Variants in LRRC4C observed in about 807,000 individuals in gnomAD.
The protein encoded by LRRC4C is leucine rich repeat containing 4C, also known as leucine-rich repeat-containing protein 4C.
Under a neutral mutation model 33.6 loss-of-function variants are expected in LRRC4C, and 5 were observed. The observed-to-expected ratio is 0.15, with a 90% confidence interval of 0.08 to 0.31. The LOEUF is 0.31. LRRC4C is among the 10% of genes least tolerant of loss of function. The probability of loss-of-function intolerance (pLI) is 1.00; values close to 1 mark genes in which losing one functional copy is unlikely to be tolerated. For missense variants in LRRC4C, 560 were observed against 796.7 expected, an observed-to-expected ratio of 0.70 and a Z score of 3.58; for synonymous variants, 329 against 302.0, an observed-to-expected ratio of 1.09 and a Z score of -0.93.
chr11:41,338,884 A>AT (rs915982168), intron 1 of LRRC4C, among the ~76,000 whole-genome samples: 1 of 152,082 alleles, frequency 6.6e-6, no homozygotes, highest in African/African-American at 2.4e-5. Flanking sequence ...GATTCCATAG[A>AT]TTCAGATTTT....
intron 3 of LRRC4C, among the ~76,000 whole-genome samples, chr11:40,382,756 C>A (rs1487736686): frequency 7.4e-6 from 1 of 135,496 alleles, no homozygotes; most frequent in Admixed American, 8.3e-5. Context: ...TTCAGTGGCT[C>A]GATCTCCGCT....
At chr11:40,493,223 A>G (rs922738446) in intron 3 of LRRC4C, among the ~76,000 whole-genome samples, 1 of 152,074 alleles carries the variant, frequency 6.6e-6, no homozygotes, top group Non-Finnish European at 1.5e-5. Context: ...GGGAAAAATT[A>G]TGTAAGGAAA....
chr11:40,972,582 C>A (rs1851800140), intron 1 of LRRC4C, among the ~76,000 whole-genome samples: 1 of 152,140 alleles, frequency 6.6e-6, no homozygotes. Flanking sequence ...AATTGACTCC[C>A]AGTTCAGCAT....
intron 3 of LRRC4C, among the ~76,000 whole-genome samples, chr11:40,580,853 T>C (rs375108258): frequency 9.2e-5 from 14 of 152,380 alleles, no homozygotes; most frequent in African/African-American, 3.4e-4. Context: ...TGCCTATCTA[T>C]ATTTTGTTCC....
At chr11:40,668,969 G>A (rs1943950107) in intron 2 of LRRC4C, among the ~76,000 whole-genome samples, 1 of 152,146 alleles carries the variant, frequency 6.6e-6, no homozygotes. Context: ...TCCTTGGTTT[G>A]ATGTTCTAAC....
intron 1 of LRRC4C, among the ~76,000 whole-genome samples, chr11:41,426,796 A>T (rs140067335): frequency 3.3e-5 from 5 of 152,160 alleles, no homozygotes; most frequent in African/African-American, 9.6e-5. Context: ...AACTAGAGTC[A>T]GCTAGACACT....
rs927559229 is a variant in LRRC4C, at chr11:41,168,285, G to A, written c.-495-234562C>T. Among the ~76,000 whole-genome samples, 4 of 152,136 alleles carry A rather than the reference G, an allele frequency of 2.6e-5. No individual in the cohort carries two copies. In the South Asian group the frequency reaches 8.3e-4, roughly 32 times the overall value. ...AACCTATCTGTTAAAAAACTGATGA[G>A]CTAGCTAAAGCACAGAGTTTAATAA... On this transcript the variant is annotated intron_variant, in intron 1 of 6. Coordinates refer to ENST00000528697, the MANE Select transcript of LRRC4C (RefSeq NM_001258419.2).
intron 5 of LRRC4C, among the ~76,000 whole-genome samples, chr11:40,199,374 C>T (rs1288647530): frequency 6.6e-6 from 1 of 152,066 alleles, no homozygotes; most frequent in East Asian, 1.9e-4. Context: ...CCCAGCCTGG[C>T]AAAGGGTTAT....
chr11:40,871,628 C>T (rs1018654036), intron 2 of LRRC4C, among the ~76,000 whole-genome samples: 1 of 152,074 alleles, frequency 6.6e-6, no homozygotes, highest in Admixed American at 6.6e-5. Flanking sequence ...CACTTCCACA[C>T]TACATCCAAA....
At chr11:41,181,375 A>T (rs369393115) in intron 1 of LRRC4C, among the ~76,000 whole-genome samples, 1 of 151,446 alleles carries the variant, frequency 6.6e-6, no homozygotes, top group African/African-American at 2.4e-5. Context: ...CAGAGGGGGA[A>T]AAAAAGGCAT....
chr11:41,220,184 A>T (rs1219322520), intron 1 of LRRC4C, among the ~76,000 whole-genome samples: 1 of 152,178 alleles, frequency 6.6e-6, no homozygotes, highest in African/African-American at 2.4e-5. Flanking sequence ...TTGAGAGCTT[A>T]CTTTGTACCA....
At chr11:41,377,834 A>G (rs1952995103) in intron 1 of LRRC4C, among the ~76,000 whole-genome samples, 2 of 152,152 alleles carry the variant, frequency 1.3e-5, no homozygotes, top group Admixed American at 1.3e-4. Flanking sequence ...TTACTGTAAC[A>G]GTGACTTTCC....
chr11:40,333,631 C>A (rs574404966), intron 3 of LRRC4C, among the ~76,000 whole-genome samples: 1 of 146,540 alleles, frequency 6.8e-6, no homozygotes, highest in East Asian at 2.1e-4. Context: ...GCAGAAGAAT[C>A]GCTTGAACCC....
chr11:40,501,867 T>A (rs1954791684), intron 3 of LRRC4C, among the ~76,000 whole-genome samples: 1 of 152,216 alleles, frequency 6.6e-6, no homozygotes, highest in South Asian at 2.1e-4. Context: ...AAATAGGATT[T>A]TCTCTTCTAT....
intron 2 of LRRC4C, among the ~76,000 whole-genome samples, chr11:40,653,209 G>A (rs556896480): frequency 7.9e-5 from 12 of 152,204 alleles, no homozygotes; most frequent in Admixed American, 1.3e-4. Context: ...AAATATGGAA[G>A]TGACTTTGGA....
intron 3 of LRRC4C, among the ~76,000 whole-genome samples, chr11:40,644,649 A>G (rs1942328540): frequency 6.6e-6 from 1 of 152,238 alleles, no homozygotes; most frequent in Non-Finnish European, 1.5e-5. Flanking sequence ...GAGTGAAAAC[A>G]GCCAATGCCC....
intron 4 of LRRC4C, among the ~76,000 whole-genome samples, chr11:40,274,414 G>GACACACAT (rs1554998770): frequency 1.6e-4 from 10 of 63,088 alleles, no homozygotes; most frequent in Non-Finnish European, 3.0e-4. Flanking sequence ...CTGCGGAATA[G>GACACACAT]ACACACACAT....
intron 3 of LRRC4C, among the ~76,000 whole-genome samples, chr11:40,442,122 C>G (rs1278885545): frequency 1.6e-5 from 2 of 124,168 alleles, no homozygotes; most frequent in African/African-American, 6.4e-5. Context: ...GAGATAGTGC[C>G]ACTGCACTTC....
intron 3 of LRRC4C, among the ~76,000 whole-genome samples, chr11:40,522,112 T>C (rs1289113371): frequency 6.6e-6 from 1 of 152,114 alleles, no homozygotes; most frequent in African/African-American, 2.4e-5. Flanking sequence ...AACCTCTGCC[T>C]CCTGGGTTCA....
Sources: gnomAD v4.1 joint callset for allele counts (sites outside exome capture counted in the v4.1 genomes callset) on GRCh38, gnomAD v4.1.1 for gene constraint, MANE v1.5 for transcripts, NCBI Gene and HGNC (gene_info 2026-07-23, HGNC 2026-07-21) for gene names.